ST8SIA4: variants seen among roughly 807,000 people sequenced by gnomAD.
ST8SIA4 encodes the protein CMP-N-acetylneuraminate-poly-alpha-2,8-sialyltransferase.
In ST8SIA4, 15 loss-of-function variants were observed where a neutral mutation model predicts 33.9. The observed-to-expected ratio is 0.44, with a 90% CI of 0.30 to 0.68. The LOEUF is 0.68. ST8SIA4 is among the 30% of genes least tolerant of loss of function. The pLI is 0.10. For missense variants in ST8SIA4, 321 were observed against 428.0 expected (o/e 0.75, Z 2.21); for synonymous variants, 171 against 151.2 (o/e 1.13, Z -0.96).
rs754522406 is a variant in ST8SIA4, at chr5:100,902,860, C to T, written c.96G>A (p.Gln32=). ...TKEIARTEEH[Q]ETQLIGDGEL... The stretch of plus-strand genomic sequence containing the variant: ...GCATTTACCCGATGAGTTGCGTCTC[C>T]TGGTGCTCCTCAGTTCTTGCTATTT... The change falls in exon 1 of 5, where the codon CAG becomes CAA. Residue 32 remains glutamine (Q), a synonymous_variant. Transcript: ENST00000231461. 24 of 1,613,954 alleles carry T rather than the reference C, an allele frequency of 1.5e-5. 2 individuals are homozygous for T. In the South Asian group the frequency reaches 2.5e-4, roughly 17 times the overall value.
chr5:100,811,701 TG>T lies in ST8SIA4; in HGVS notation c.*145del. On this transcript the variant is annotated 3_prime_UTR_variant, in exon 5 of 5. Coordinates refer to ENST00000231461, the MANE Select transcript of ST8SIA4 (RefSeq NM_005668.6). ...AGCACTTTGCAGGTATTTCATCAGCTGGTAGTCGATTTCTCATGAACGTCCT... is the reference window on the plus strand; with the variant it reads ...AGCACTTTGCAGGTATTTCATCAGCTGTAGTCGATTTCTCATGAACGTCCT... 1 of 790,076 alleles carries T rather than the reference TG, an allele frequency of 1.3e-6. No homozygotes were observed. Among genetic ancestry groups the T allele is most frequent in the Non-Finnish European group, 2.0e-6 (1 of 509,382 alleles). The allele number at this position is 790,076 out of a possible 1,614,324, so 48.9% of individuals were successfully genotyped here. A position where few individuals can be genotyped will look rare whatever the true frequency, so the allele number is the denominator to read the frequency against.
chr5:100,874,005 C>T (rs907114276), intron 3 of ST8SIA4, among the ~76,000 whole-genome samples: 1 of 152,004 alleles, frequency 6.6e-6, no homozygotes, highest in Non-Finnish European at 1.5e-5. Flanking sequence ...TCACAACCAA[C>T]AAATTAAATT....
intron 4 of ST8SIA4, among the ~76,000 whole-genome samples, chr5:100,855,745 C>T (rs572026128): frequency 6.6e-6 from 1 of 152,266 alleles, no homozygotes; most frequent in South Asian, 2.1e-4. Context: ...TATGCTTACA[C>T]AATATTGCCC....
chr5:100,885,516 G>A, intron 3 of ST8SIA4: 2 of 932,862 alleles, frequency 2.1e-6, no homozygotes, highest in Non-Finnish European at 1.3e-6. Context: ...TTTTCAACAT[G>A]TCAACTCAGC....
chr5:100,844,455 G>T (rs1405584833), intron 4 of ST8SIA4, among the ~76,000 whole-genome samples: 1 of 151,838 alleles, frequency 6.6e-6, no homozygotes, highest in Non-Finnish European at 1.5e-5. Context: ...CTGGCTATTT[G>T]GGACACACAT....
chr5:100,866,833 T>G (rs1388088100), intron 3 of ST8SIA4, among the ~76,000 whole-genome samples: 3 of 151,912 alleles, frequency 2.0e-5, no homozygotes, highest in African/African-American at 2.4e-5. Flanking sequence ...ACACTCAAAC[T>G]TTTTTTTAAT....
At chr5:100,882,914 G>A (rs765829209) in intron 3 of ST8SIA4, among the ~76,000 whole-genome samples, 1 of 152,248 alleles carries the variant, frequency 6.6e-6, no homozygotes, top group Non-Finnish European at 1.5e-5. Flanking sequence ...GCAGAAGTTC[G>A]CTGCAGGGGC....
At chr5:100,899,881 A>C (rs1752863015) in intron 1 of ST8SIA4, among the ~76,000 whole-genome samples, 1 of 152,222 alleles carries the variant, frequency 6.6e-6, no homozygotes, top group Non-Finnish European at 1.5e-5. Context: ...TTCAACTTAA[A>C]CTTTATTAAC....
At chr5:100,885,621 CA>C (rs764598197) in intron 3 of ST8SIA4, 3 of 934,826 alleles carry the variant, frequency 3.2e-6, no homozygotes, top group African/African-American at 1.8e-5. Context: ...TAAAACAATC[CA>C]AAAAAACTGT....
chr5:100,881,025 CT>C (rs1752410537), intron 3 of ST8SIA4, among the ~76,000 whole-genome samples: 3 of 152,130 alleles, frequency 2.0e-5, no homozygotes, highest in Admixed American at 2.0e-4. Context: ...CATATATGTG[CT>C]TTTCAAAGAT....
At chr5:100,895,515 C>A (rs1196683083) in intron 2 of ST8SIA4, 139 bp downstream of exon 2, 7 of 786,164 alleles carry the variant, frequency 8.9e-6, no homozygotes, top group Non-Finnish European at 1.4e-5. Flanking sequence ...CAGTGAGCAA[C>A]ATTAAATAGA....
chr5:100,902,805 A>G (rs763026254), intron 1 of ST8SIA4, 38 bp downstream of exon 1: 2 of 1,527,022 alleles, frequency 1.3e-6, no homozygotes, highest in Admixed American at 1.7e-5. Context: ...TTATGGCTTG[A>G]CTTTTTGTCA....
intron 3 of ST8SIA4, among the ~76,000 whole-genome samples, chr5:100,861,066 T>G (rs1052094757): frequency 1.3e-5 from 2 of 152,126 alleles, no homozygotes; most frequent in Non-Finnish European, 2.9e-5. Context: ...ACCATAGGAT[T>G]AAAATGGACT....
intron 3 of ST8SIA4, among the ~76,000 whole-genome samples, chr5:100,873,939 T>C (rs1295027065): frequency 6.6e-6 from 1 of 152,102 alleles, no homozygotes; most frequent in Non-Finnish European, 1.5e-5. Context: ...GAAAGATAAC[T>C]ACAGAAAAAA....
chr5:100,862,707 C>T (rs1242670223), intron 3 of ST8SIA4, among the ~76,000 whole-genome samples: 3 of 152,022 alleles, frequency 2.0e-5, no homozygotes, highest in African/African-American at 4.8e-5. Flanking sequence ...TGGCCGAATA[C>T]CTTTTATTGA....
intron 4 of ST8SIA4, among the ~76,000 whole-genome samples, chr5:100,840,019 T>G (rs1231794346): frequency 1.3e-5 from 2 of 151,466 alleles, no homozygotes; most frequent in Non-Finnish European, 3.0e-5. Context: ...TAAAAATATA[T>G]ACTTTTAATA....
intron 1 of ST8SIA4, chr5:100,900,584 C>T: frequency 2.3e-6 from 1 of 442,984 alleles, no homozygotes; most frequent in Non-Finnish European, 4.6e-6. Flanking sequence ...TTCCTGGCAG[C>T]TCCAACTCCT....
At chr5:100,889,467 G>GA (rs1438005145) in intron 2 of ST8SIA4, among the ~76,000 whole-genome samples, 4 of 151,780 alleles carry the variant, frequency 2.6e-5, no homozygotes, top group Non-Finnish European at 4.4e-5. Flanking sequence ...GTCCTGATTT[G>GA]AAAAAAGACT....
intron 4 of ST8SIA4, among the ~76,000 whole-genome samples, chr5:100,852,406 G>C (rs1352251848): frequency 6.6e-6 from 1 of 150,904 alleles, no homozygotes; most frequent in Non-Finnish European, 1.5e-5. Flanking sequence ...ACAGGCATGA[G>C]CCACTGCACT....
Sources: allele counts gnomAD v4.1 joint callset (sites outside exome capture counted in the v4.1 genomes callset), GRCh38; gene constraint gnomAD v4.1.1; transcripts MANE v1.5; gene names NCBI Gene and HGNC (gene_info 2026-07-23, HGNC 2026-07-21).